Variants in TMC7 observed in about 807,000 individuals in gnomAD.
TMC7 encodes the protein transmembrane channel like 7.
Under a neutral mutation model 82.9 loss-of-function variants are expected in TMC7, and 54 were observed. The observed-to-expected ratio is 0.65, with a 90% CI of 0.52 to 0.82. TMC7 has a LOEUF of 0.82. TMC7 is among the 40% of genes least tolerant of loss of function. TMC7 has a pLI of 0.00. For synonymous variants in TMC7, 350 were observed against 337.9 expected (o/e 1.04, Z -0.39); for missense variants, 820 against 901.2 (o/e 0.91, Z 1.15).
intron 14 of TMC7, among the ~76,000 whole-genome samples, chr16:19,058,804 C>T (rs1462792413): frequency 1.3e-5 from 2 of 152,136 alleles, no homozygotes; most frequent in Non-Finnish European, 2.9e-5. Context: ...CTTCTGGGCT[C>T]AGATTCTCCC....
rs140650311 is a variant in TMC7 at position 19,056,654 on chromosome 16, G to C, written c.1984G>C (p.Val662Leu). The part of the protein sequence containing the change: ...PSSLQSFIHG[V>L]TSEAFAVPFF... ...CTCGCTGCAGTCCTTCATCCATGGT[G>C]TCACATCCGAAGCCTTTGCAGTTCC... The change falls in exon 14 of 16, where the codon GTC (valine) becomes CTC (leucine). Residue 662 changes from valine (V) to leucine (L), a missense_variant. Transcript: ENST00000304381. The C allele has an allele frequency of 2.8e-3, 4,455 of 1,614,114 alleles. 15 individuals are homozygous for C. Among genetic ancestry groups the C allele is most frequent in the Non-Finnish European group, 3.0e-3 (3,582 of 1,180,014 alleles).
At chr16:19,044,125 C>A (rs1961148787) in intron 9 of TMC7, among the ~76,000 whole-genome samples, 1 of 152,096 alleles carries the variant, frequency 6.6e-6, no homozygotes, top group Non-Finnish European at 1.5e-5. Context: ...GCCTCGGCCT[C>A]CCAAAATGCT....
chr16:19,008,845 A>G (rs770890819), intron 1 of TMC7, among the ~76,000 whole-genome samples: 1 of 152,172 alleles, frequency 6.6e-6, no homozygotes, highest in Non-Finnish European at 1.5e-5. Context: ...TTTGACAGAT[A>G]TTTAAAATAT....
Position 18,992,978 on chromosome 16 carries a change from C to T in TMC7, c.67+8848C>T, listed in dbSNP as rs2038978585. Reference sequence around the variant, plus strand: ...CTATATCTCTTTTTTGGTACCAGTACCATGCTGTTTTGGTTACTGTAGCCT... The same window carrying T: ...CTATATCTCTTTTTTGGTACCAGTATCATGCTGTTTTGGTTACTGTAGCCT... On this transcript the variant is annotated intron_variant, in intron 1 of 15. Coordinates refer to ENST00000304381, the MANE Select transcript of TMC7 (RefSeq NM_024847.4). Among the ~76,000 whole-genome samples, 9 of 152,234 alleles carry T rather than the reference C, an allele frequency of 5.9e-5. No individual in the cohort carries two copies. The South Asian group carries it at 1.9e-3, about 32-fold the overall frequency.
intron 13 of TMC7, among the ~76,000 whole-genome samples, chr16:19,056,292 G>A (rs1961767279): frequency 6.6e-6 from 1 of 151,862 alleles, no homozygotes; most frequent in Non-Finnish European, 1.5e-5. Flanking sequence ...CACCACGTTG[G>A]TCAGCCTGGT....
At chr16:19,049,513 G>A (rs1961428900) in intron 12 of TMC7, 1 of 552,168 alleles carries the variant, frequency 1.8e-6, no homozygotes, top group African/African-American at 2.0e-5. Flanking sequence ...TTTGAAGAAT[G>A]TTCTGATGCT....
chr16:19,031,950 G>T (rs1218835170), intron 6 of TMC7, among the ~76,000 whole-genome samples: 1 of 152,198 alleles, frequency 6.6e-6, no homozygotes, highest in Non-Finnish European at 1.5e-5. Flanking sequence ...TCAGTCACAT[G>T]ACTATAGCCA....
At position 18,996,916 on chromosome 16, in the gene TMC7, G is replaced by A. The variant is rs2039052824; in HGVS notation, c.68-12256G>A. On this transcript the variant is annotated intron_variant, in intron 1 of 15. Transcript: ENST00000304381. ...GGGAAGGCTGTCTTCCCAAGTCCATGACTAGCGCCGGAGTTTTGGGTCCAC... is the reference window on the plus strand; with the variant it reads ...GGGAAGGCTGTCTTCCCAAGTCCATAACTAGCGCCGGAGTTTTGGGTCCAC... 2.6e-5 allele frequency among the ~76,000 whole-genome samples: 4 copies of A among 152,360 alleles called. No homozygotes were observed. The South Asian group carries it at 8.3e-4, about 32-fold the overall frequency.
chr16:18,995,907 A>G (rs2039036031), intron 1 of TMC7, among the ~76,000 whole-genome samples: 1 of 152,160 alleles, frequency 6.6e-6, no homozygotes, highest in African/African-American at 2.4e-5. Context: ...CTAGGACAGT[A>G]AAGTGTCTAA....
At position 18,995,793 on chromosome 16, in the gene TMC7, T is replaced by C. The variant is rs115937583; in HGVS notation, c.67+11663T>C. ...AAGCGAGGTTAATAAGGTCCTGTTATGGGGTTTGAGGGCCGGAATCTAATT... is the reference window on the plus strand; with the variant it reads ...AAGCGAGGTTAATAAGGTCCTGTTACGGGGTTTGAGGGCCGGAATCTAATT... On this transcript the variant is annotated intron_variant, in intron 1 of 15. Transcript: ENST00000304381. Among the ~76,000 whole-genome samples, 751 of 152,262 alleles carry C rather than the reference T, an allele frequency of 4.9e-3. 9 individuals carry two copies. The highest frequency in any genetic ancestry group is 0.017 in the African/African-American group (718 of 41,546).
chr16:19,037,787 T>C, intron 7 of TMC7, 87 bp from the exon 8 acceptor site: 1 of 1,410,456 alleles, frequency 7.1e-7, no homozygotes, highest in Non-Finnish European at 9.7e-7. Flanking sequence ...CTCTTAAAGA[T>C]GGATGGGGAG....
chr16:19,032,476 GACCT>G (rs1208453703), intron 6 of TMC7, among the ~76,000 whole-genome samples: 1 of 151,584 alleles, frequency 6.6e-6, no homozygotes, highest in Non-Finnish European at 1.5e-5. Flanking sequence ...AAGTTTTATG[GACCT>G]ACAGGGTAGA....
At chr16:18,985,278 G>C (rs1245258051) in intron 1 of TMC7, among the ~76,000 whole-genome samples, 2 of 150,242 alleles carry the variant, frequency 1.3e-5, no homozygotes, top group Non-Finnish European at 3.0e-5. Context: ...AAGAAACCAA[G>C]GATATAGAAT....
At chr16:19,004,688 A>G (rs2039204936) in intron 1 of TMC7, among the ~76,000 whole-genome samples, 1 of 152,146 alleles carries the variant, frequency 6.6e-6, no homozygotes, top group Non-Finnish European at 1.5e-5. Context: ...AACATTTACA[A>G]ACACTTTTAA....
At chr16:19,003,442 G>A (rs1345254660) in intron 1 of TMC7, among the ~76,000 whole-genome samples, 5 of 148,954 alleles carry the variant, frequency 3.4e-5, no homozygotes, top group Admixed American at 6.6e-5. Context: ...CAGCCGCCCC[G>A]TCCGGGAGGT....
chr16:19,040,115 C>A (rs1219576281), intron 8 of TMC7, among the ~76,000 whole-genome samples, 174 bp from the exon 9 acceptor site: 173 of 67,082 alleles, frequency 2.6e-3, no homozygotes, highest in East Asian at 3.8e-3. Context: ...GACTCCATCT[C>A]AAAAAAAAAA....
At chr16:19,047,484 C>T (rs1431245681) in intron 12 of TMC7, among the ~76,000 whole-genome samples, 2 of 145,932 alleles carry the variant, frequency 1.4e-5, no homozygotes, top group East Asian at 4.1e-4. Context: ...TGCAACCTCC[C>T]CCTCCTAAGT....
chr16:19,052,696 G>A (rs187678552), intron 13 of TMC7, among the ~76,000 whole-genome samples: 18 of 151,432 alleles, frequency 1.2e-4, no homozygotes, highest in African/African-American at 4.4e-4. Context: ...CTGGAACTTT[G>A]AGTCCCTCTC....
intron 5 of TMC7, among the ~76,000 whole-genome samples, chr16:19,027,121 G>A (rs1015055534): frequency 6.9e-6 from 1 of 144,504 alleles, no homozygotes; most frequent in African/African-American, 2.6e-5. Context: ...CCAGGCTGGA[G>A]TGCAGTGGTG....
Sources: allele counts gnomAD v4.1 joint callset (sites outside exome capture counted in the v4.1 genomes callset), GRCh38; gene constraint gnomAD v4.1.1; transcripts MANE v1.5; gene names NCBI Gene and HGNC (gene_info 2026-07-23, HGNC 2026-07-21).